SYNM: variants seen among roughly 807,000 people sequenced by gnomAD.
The protein encoded by SYNM is synemin.
Under a neutral mutation model 104.0 loss-of-function variants are expected in SYNM, and 95 were observed. The ratio of observed to expected loss-of-function variants is 0.91; its 90% CI spans 0.77 to 1.08. The LOEUF (loss-of-function observed/expected upper bound fraction) is 1.08. SYNM is among the 50% of genes least tolerant of loss of function. The pLI, the probability that SYNM is intolerant of heterozygous loss-of-function variation, is 0.00. For missense variants in SYNM, 2,150 were observed against 2,052.2 expected (o/e 1.05, Z -0.92); for synonymous variants, 918 against 869.0 (o/e 1.06, Z -0.99).
the SYNM span, among the ~76,000 whole-genome samples, chr15:99,141,447 T>C: frequency 6.6e-6 from 1 of 152,122 alleles, no homozygotes; most frequent in Non-Finnish European, 1.5e-5. Context: ...ATGGGGTAGG[T>C]ATAGAGGGGA....
chr15:99,131,909 G>A lies in SYNM; in HGVS notation c.3549G>A (p.Leu1183=). ...HVTLGPGQSP[L]SREVIFLGPA... The stretch of plus-strand genomic sequence containing the variant: ...CGCTGGGTCCCGGTCAAAGTCCACT[G>A]TCCAGAGAAGTCATCTTCCTAGGCC... The change falls in exon 4 of 4, where the codon CTG becomes CTA. Residue 1183 remains leucine (L), a synonymous_variant. Transcript: ENST00000336292. This position sits in a 1 kb window ranked among gnomAD's most constrained non-coding sequence, Gnocchi z 4.3. 1 of 1,613,926 alleles carries A rather than the reference G, an allele frequency of 6.2e-7. No individual in the cohort carries two copies.
At position 99,105,703 on chromosome 15, in the gene SYNM, C is replaced by T; in HGVS notation, c.504C>T (p.Ala168=). ...RAASLTMHFR[A]RATGPAAPPP... ...CCAGCCTTACCATGCATTTCCGCGCCCGCGCCACCGGCCCCGCCGCGCCGC... is the reference window on the plus strand; with the variant it reads ...CCAGCCTTACCATGCATTTCCGCGCTCGCGCCACCGGCCCCGCCGCGCCGC... Residue 168 remains alanine (A), a synonymous_variant, in exon 1 of 4, where the codon GCC becomes GCT. Transcript: ENST00000336292. The T allele has an allele frequency of 6.7e-7, 1 of 1,487,802 alleles. No homozygotes were observed. Among genetic ancestry groups the T allele is most frequent in the Non-Finnish European group, 8.9e-7 (1 of 1,124,542 alleles). The allele number at this position is 1,487,802 out of a possible 1,614,324, so 92.2% of individuals were successfully genotyped here. A position where few individuals can be genotyped will look rare whatever the true frequency, so the allele number is the denominator to read the frequency against.
intron 3 of SYNM, 101 bp from the exon 4 acceptor site, chr15:99,129,266 T>C: frequency 6.8e-7 from 1 of 1,471,948 alleles, no homozygotes; most frequent in Non-Finnish European, 9.1e-7. Flanking sequence ...ACAGTGTATA[T>C]TTATTATGAT....
In SYNM at chr15:99,130,253, C is replaced by CGATT; in HGVS notation, c.1894_1897dup (p.Ser633Ter). On this transcript the variant is annotated frameshift_variant, in exon 4 of 4. Coordinates refer to ENST00000336292, the MANE Select transcript of SYNM (RefSeq NM_145728.3). LOFTEE classifies it high-confidence loss of function. ...GTGATGCCACTGGTTCTCTGCAAGG[C>CGATT]GATTCCATGACAGAAACCGTAGCAG... The CGATT allele has an allele frequency of 6.2e-7, 1 of 1,613,910 alleles. No homozygotes were observed. The highest frequency in any genetic ancestry group is 1.3e-5 in the African/African-American group (1 of 75,010).
In SYNM at chr15:99,132,689, C is replaced by A. The variant is rs1555486177; in HGVS notation, c.4329C>A (p.Asp1443Glu). 1.9e-6 allele frequency: 3 copies of A among 1,613,914 alleles called. No homozygotes were observed. The highest frequency in any genetic ancestry group is 2.7e-5 in the African/African-American group (2 of 74,930). The change falls in exon 4 of 4, where the codon GAC becomes GAA. Residue 1443 changes from aspartate (D) to glutamate (E), a missense_variant. Coordinates refer to ENST00000336292, the MANE Select transcript of SYNM (RefSeq NM_145728.3). ...ADSPELGKLA[D>E]SSRTLRHIAP... ...CCCCTGAGCTAGGCAAGTTAGCAGA[C>A]AGCAGCAGAACGCTAAGGCACATTG...
At chr15:99,117,824 G>T (rs2067363831) in intron 2 of SYNM, among the ~76,000 whole-genome samples, 1 of 151,682 alleles carries the variant, frequency 6.6e-6, no homozygotes, top group African/African-American at 2.4e-5. Flanking sequence ...GGCATCGATC[G>T]CGAGCCGTTT....
chr15:99,124,358 T>C (rs1254276178), intron 2 of SYNM, among the ~76,000 whole-genome samples: 1 of 152,194 alleles, frequency 6.6e-6, no homozygotes, highest in Non-Finnish European at 1.5e-5. Context: ...TGGCTGCCAT[T>C]GGGCTGGATG....
intron 1 of SYNM, among the ~76,000 whole-genome samples, chr15:99,108,795 C>G (rs2067273166): frequency 6.6e-6 from 1 of 152,202 alleles, no homozygotes. Flanking sequence ...GCGTCCGTTT[C>G]TCTCTTCTGT....
Position 99,105,121 on chromosome 15 carries a change from C to A in SYNM, c.-79C>A. 1 of 1,467,188 alleles carries A rather than the reference C, an allele frequency of 6.8e-7. No homozygotes were observed. Among genetic ancestry groups the A allele is most frequent in the Non-Finnish European group, 9.1e-7 (1 of 1,098,700 alleles). 90.9% of individuals were successfully genotyped at this position (1,467,188 alleles called of 1,614,324 possible). ...GGGCAGCGGCGAGGCCGGAGCGTCG[C>A]GGCGGAGAGGACGAGACCGGGACAA... On this transcript the variant is annotated 5_prime_UTR_variant, in exon 1 of 4. Transcript: ENST00000336292.
chr15:99,126,243 C>T (rs2242076), intron 2 of SYNM, among the ~76,000 whole-genome samples: 54,239 of 152,090 alleles, frequency 0.36, 9,971 homozygotes, highest in Middle Eastern at 0.5. Flanking sequence ...TCAGTCCCTG[C>T]CGTCTCCTGG....
At chr15:99,118,956 G>GAC (rs1473515214) in intron 2 of SYNM, among the ~76,000 whole-genome samples, 2 of 152,234 alleles carry the variant, frequency 1.3e-5, no homozygotes, top group African/African-American at 2.4e-5. Context: ...GAAGAGAGGA[G>GAC]ACACACCCTG....
chr15:99,117,235 C>G (rs1315270695), intron 2 of SYNM, among the ~76,000 whole-genome samples: 1 of 152,222 alleles, frequency 6.6e-6, no homozygotes, highest in Non-Finnish European at 1.5e-5. Context: ...CTGGACTCTT[C>G]CCACCACGTG....
chr15:99,127,776 CCCA>C (rs2067460763), intron 3 of SYNM, among the ~76,000 whole-genome samples: 1 of 152,166 alleles, frequency 6.6e-6, no homozygotes, highest in Non-Finnish European at 1.5e-5. Flanking sequence ...GAATTAACTC[CCCA>C]GATTTCAAGG....
At position 99,130,613 on chromosome 15, in the gene SYNM, G is replaced by A; in HGVS notation, c.2253G>A (p.Glu751=). The change falls in exon 4 of 4, where the codon GAG becomes GAA. Residue 751 remains glutamate (E), a synonymous_variant. Coordinates refer to ENST00000336292, the MANE Select transcript of SYNM (RefSeq NM_145728.3). ...TCGTCAACGTGGAGATCGTGGAGGA[G>A]CCCGTGAGTTATGTCAGCGGGGAGA... ...AKVVNVEIVE[E]PVSYVSGEKP... 3 of 1,613,152 alleles carry A rather than the reference G, an allele frequency of 1.9e-6. No individual in the cohort carries two copies. The highest frequency in any genetic ancestry group is 2.5e-6 in the Non-Finnish European group (3 of 1,179,566).
At chr15:99,109,057 A>G (rs782771321) in intron 1 of SYNM, among the ~76,000 whole-genome samples, 1 of 152,070 alleles carries the variant, frequency 6.6e-6, no homozygotes, top group Non-Finnish European at 1.5e-5. Context: ...GTGCTGCCAC[A>G]TTGTGCCCAG....
At chr15:99,120,153 T>A (rs2067386563) in intron 2 of SYNM, among the ~76,000 whole-genome samples, 2 of 152,204 alleles carry the variant, frequency 1.3e-5, no homozygotes, top group African/African-American at 4.8e-5. Flanking sequence ...GATTTTAACT[T>A]CAGGCCTTCA....
intron 1 of SYNM, among the ~76,000 whole-genome samples, chr15:99,110,338 A>G (rs12148328): frequency 0.74 from 112,323 of 152,132 alleles, 41,522 homozygotes; most frequent in Middle Eastern, 0.79. Context: ...GGTACCTCTT[A>G]TACGCTTTAC....
chr15:99,122,100 A>T (rs2067406752), intron 2 of SYNM, among the ~76,000 whole-genome samples: 1 of 152,254 alleles, frequency 6.6e-6, no homozygotes, highest in Admixed American at 6.5e-5. Flanking sequence ...GGGGCCTTTC[A>T]GGCAAAAGTC....
downstream of SYNM, chr15:99,139,216 T>G (rs1555488722): frequency 1.4e-6 from 2 of 1,465,608 alleles, no homozygotes; most frequent in African/African-American, 1.4e-5. Context: ...CAGCAAAACA[T>G]TCCAGAGAAG....
Sources: allele counts gnomAD v4.1 joint callset (sites outside exome capture counted in the v4.1 genomes callset), GRCh38; gene constraint gnomAD v4.1.1; non-coding constraint Gnocchi (gnomAD v3.1); transcripts MANE v1.5; gene names NCBI Gene and HGNC (gene_info 2026-07-23, HGNC 2026-07-21).